Variants in FNBP4 observed in about 807,000 individuals in gnomAD.
The protein encoded by FNBP4 is formin binding protein 4.
Under a neutral mutation model 119.3 loss-of-function variants are expected in FNBP4, and 34 were observed. The ratio of observed to expected loss-of-function variants is 0.28; its 90% CI spans 0.22 to 0.38. The LOEUF (loss-of-function observed/expected upper bound fraction) is 0.38, where lower values mean the gene tolerates loss of function less well. Ranked by LOEUF, FNBP4 falls within the 10% of genes least tolerant of loss-of-function variation. The pLI is 1.00. For missense variants in FNBP4, 1,112 were observed against 1,228.9 expected (o/e 0.90, Z 1.42); for synonymous variants, 462 against 430.6 (o/e 1.07, Z -0.90).
intron 8 of FNBP4, among the ~76,000 whole-genome samples, chr11:47,741,939 G>A (rs2097582728): frequency 6.6e-6 from 1 of 151,982 alleles, no homozygotes; most frequent in Non-Finnish European, 1.5e-5. Context: ...GTGAAACATG[G>A]ACACAATTTA....
intron 3 of FNBP4, 45 bp downstream of exon 3, chr11:47,754,483 A>G (rs1304474829): frequency 6.2e-7 from 1 of 1,600,236 alleles, no homozygotes; most frequent in South Asian, 1.1e-5. Context: ...TCCAGGTCCC[A>G]AAGTAGCTTC....
rs1196668084 is a variant in FNBP4, at chr11:47,724,665, G to A, written c.2122C>T (p.Pro708Ser). The stretch of plus-strand genomic sequence containing the variant: ...GGTGGGGGTGGTGGCATTTCCAAGG[G>A]TAATGGAGGTTGAAGCACAGGAACA... ...SNVPVLQPPL[P>S]LEMPPPPPPP... Residue 708 changes from proline (P) to serine (S), a missense_variant, in exon 13 of 17, where the codon CCC (proline) becomes TCC (serine). Around this residue, in one of 2 missense-constraint regions of FNBP4, gnomAD observed 826 missense variants for 988.8 expected, o/e 0.84. Transcript: ENST00000263773. 3 of 1,614,098 alleles carry A rather than the reference G, an allele frequency of 1.9e-6. No individual in the cohort carries two copies.
rs201639960 is a variant in FNBP4, at chr11:47,724,791, G to C, written c.2009-13C>G. The C allele has an allele frequency of 1.3e-6, 2 of 1,526,538 alleles. No homozygotes were observed. The highest frequency in any genetic ancestry group is 8.8e-7 in the Non-Finnish European group (1 of 1,140,114). 94.6% of individuals were successfully genotyped at this position (1,526,538 alleles called of 1,614,324 possible). Reference sequence around the variant, plus strand: ...TTACAAAGAGAACCTATGAAAACAGGTAAGAGTCAGGGAAAAAGCAAGAAA... The same window carrying C: ...TTACAAAGAGAACCTATGAAAACAGCTAAGAGTCAGGGAAAAAGCAAGAAA... On this transcript the variant is annotated splice_polypyrimidine_tract_variant and intron_variant, in intron 12 of 16. Transcript: ENST00000263773.
chr11:47,724,996 T>C (rs1010585861), intron 12 of FNBP4: 4 of 436,338 alleles, frequency 9.2e-6, no homozygotes, highest in African/African-American at 2.0e-5. Flanking sequence ...CGCTAAAATA[T>C]TGAACAACTC....
At chr11:47,731,750 GCA>G in intron 11 of FNBP4, 189 bp from the exon 12 acceptor site, 1 of 1,350,640 alleles carries the variant, frequency 7.4e-7, no homozygotes, top group East Asian at 2.9e-5. Flanking sequence ...AAAGCTATTT[GCA>G]CTGCCAGCAA....
rs779669523 is a variant in FNBP4 at position 47,746,265 on chromosome 11, T to C, written c.1036A>G (p.Ile346Val). 3.7e-6 allele frequency: 6 copies of C among 1,614,182 alleles called. No individual in the cohort carries two copies. The highest frequency in any genetic ancestry group is 4.2e-6 in the Non-Finnish European group (5 of 1,180,036). The part of the protein sequence containing the change: ...EEEERWRRKV[I>V]CKEEPVSEVK... ...TCTGAAACTGGCTCCTCTTTACAAA[T>C]TACTTTTCTTCTCCATCTCTCTTCT... Residue 346 changes from isoleucine to valine, a missense_variant, in exon 7 of 17, where the codon ATT becomes GTT. Ile to Val is a conservative substitution (Grantham distance 29, BLOSUM62 3). This residue lies in a region of FNBP4 where 826 missense variants were observed against 988.8 expected (regional missense o/e 0.84). Transcript: ENST00000263773.
At chr11:47,720,910 C>T (rs2097554977) in intron 15 of FNBP4, among the ~76,000 whole-genome samples, 1 of 151,896 alleles carries the variant, frequency 6.6e-6, no homozygotes, top group Admixed American at 6.6e-5. Context: ...CGCTTCAACC[C>T]GGGAGTCAGA....
At chr11:47,751,364 TCA>T (rs1203654421) in intron 4 of FNBP4, 74 bp from the exon 5 acceptor site, 4 of 1,545,648 alleles carry the variant, frequency 2.6e-6, no homozygotes, top group Non-Finnish European at 3.5e-6. Context: ...AAAGCCAAAA[TCA>T]CCTAACAGTT....
intron 6 of FNBP4, 76 bp from the exon 7 acceptor site, chr11:47,746,470 A>C: frequency 8.1e-7 from 1 of 1,232,450 alleles, no homozygotes; most frequent in Non-Finnish European, 1.1e-6. Context: ...AATTGCACAC[A>C]CATTCATATT....
intron 8 of FNBP4, among the ~76,000 whole-genome samples, chr11:47,738,256 G>A (rs1375650529): frequency 6.6e-6 from 1 of 152,118 alleles, no homozygotes. Context: ...CACACAGTCT[G>A]AATGACTGCC....
chr11:47,750,558 G>A (rs538682672), intron 6 of FNBP4, among the ~76,000 whole-genome samples: 5 of 149,554 alleles, frequency 3.3e-5, no homozygotes, highest in African/African-American at 9.8e-5. Context: ...GTGTGGTAGC[G>A]GGTGCTTGTA....
intron 15 of FNBP4, among the ~76,000 whole-genome samples, chr11:47,720,828 T>G (rs1449833838): frequency 6.6e-6 from 1 of 150,862 alleles, no homozygotes; most frequent in Non-Finnish European, 1.5e-5. Flanking sequence ...AACTGCCATA[T>G]TAGCCGGGGG....
At chr11:47,720,435 G>A (rs1369053212) in intron 15 of FNBP4, among the ~76,000 whole-genome samples, 1 of 152,034 alleles carries the variant, frequency 6.6e-6, no homozygotes, top group Admixed American at 6.6e-5. Flanking sequence ...AGACGTGGTG[G>A]CGGGCGCCTG....
intron 3 of FNBP4, 126 bp downstream of exon 3, chr11:47,754,400 AAG>A: frequency 2.3e-6 from 2 of 874,502 alleles, no homozygotes; most frequent in South Asian, 1.7e-5. Context: ...GGAGAAATAC[AAG>A]AGAGTGTTGG....
Position 47,767,112 on chromosome 11 carries a change from G to A in FNBP4, c.177C>T (p.Thr59=), listed in dbSNP as rs59413596. The stretch of plus-strand genomic sequence containing the variant: ...CCGAGGCCGCGGCGGCAGTCACCGC[G>A]GTGGTGGTGGTCGTCGCCGCCGACG... ...PAPSAATTTT[T]AVTAAAASDD... Residue 59 remains threonine, a synonymous_variant, in exon 1 of 17, where the codon ACC becomes ACT. Transcript: ENST00000263773. 8,147 of 515,290 alleles carry A rather than the reference G, an allele frequency of 0.016. 400 individuals are homozygous for A. The highest frequency in any genetic ancestry group is 0.13 in the African/African-American group (7,241 of 54,914). The allele number at this position is 515,290 out of a possible 1,614,324, so 31.9% of individuals were successfully genotyped here. A position where few individuals can be genotyped will look rare whatever the true frequency, so the allele number is the denominator to read the frequency against.
rs770955469 is a variant in FNBP4 at position 47,751,093 on chromosome 11, T to G, written c.785+50A>C. On this transcript the variant is annotated intron_variant, in intron 5 of 16. Transcript: ENST00000263773. ...TAAGACAAATACTATCAGCAAAAGA[T>G]AAGGCTTCAATTTCCTTCTAGGCAA... 1.1e-5 allele frequency: 18 copies of G among 1,612,984 alleles called. No individual in the cohort carries two copies. The South Asian group carries it at 2.0e-4, about 18-fold the overall frequency.
rs774648674 is a variant in FNBP4, at chr11:47,731,401, A to G, written c.1981T>C (p.Ser661Pro). ...GTGGAAGTTTCAGAGGATTCTGTTGAATTTGAATCAGTGCCAGTTTTGTCT... is the reference window on the plus strand; with the variant it reads ...GTGGAAGTTTCAGAGGATTCTGTTGGATTTGAATCAGTGCCAGTTTTGTCT... ...LKDKTGTDSN[S>P]TESSETSTGS... The change falls in exon 12 of 17, where the codon TCA (serine) becomes CCA (proline). Residue 661 changes from serine to proline, a missense_variant. Ser to Pro is a moderately conservative substitution (Grantham distance 74, BLOSUM62 -1). This residue lies in a region of FNBP4 where 826 missense variants were observed against 988.8 expected (regional missense o/e 0.84). Transcript: ENST00000263773. The G allele has an allele frequency of 1.2e-5, 19 of 1,613,178 alleles. No homozygotes were observed. The African/African-American group carries it at 2.3e-4, about 19-fold the overall frequency.
At chr11:47,754,110 C>G (rs1469906908) in intron 3 of FNBP4, among the ~76,000 whole-genome samples, 1 of 151,796 alleles carries the variant, frequency 6.6e-6, no homozygotes, top group East Asian at 1.9e-4. Flanking sequence ...GTGCACATAC[C>G]TGTAGCCTCA....
intron 8 of FNBP4, among the ~76,000 whole-genome samples, 182 bp from the exon 9 acceptor site, chr11:47,736,922 AG>A (rs1456553944): frequency 6.6e-6 from 1 of 151,882 alleles, no homozygotes; most frequent in Non-Finnish European, 1.5e-5. Context: ...AAAACAATTC[AG>A]GGCCGGGCAC....
Sources: allele counts gnomAD v4.1 joint callset (sites outside exome capture counted in the v4.1 genomes callset), GRCh38; gene constraint gnomAD v4.1.1; regional missense constraint gnomAD v4.1.1; transcripts MANE v1.5; gene names NCBI Gene and HGNC (gene_info 2026-07-23, HGNC 2026-07-21).